The following OPRK1 variants were observed in gnomAD, a reference collection of about 807,000 sequenced individuals.
OPRK1 encodes opioid receptor kappa 1, also known as kappa-type opioid receptor.
A neutral mutation model predicts 24.5 loss-of-function variants in OPRK1; 15 were observed. The observed-to-expected ratio is 0.61, with a 90% CI of 0.41 to 0.94. The LOEUF is 0.94. Ranked by LOEUF, OPRK1 falls within the 40% of genes least tolerant of loss-of-function variation. The pLI, the probability that OPRK1 is intolerant of heterozygous loss-of-function variation, is 0.00. For synonymous variants in OPRK1, 205 were observed against 198.0 expected, an observed-to-expected ratio of 1.04 and a Z score of -0.30; for missense variants, 479 against 507.3, an observed-to-expected ratio of 0.94 and a Z score of 0.54.
chr8:53,229,710 C>A lies in OPRK1; in HGVS notation c.730G>T (p.Val244Phe). 6.2e-7 allele frequency: 1 copy of A among 1,614,010 alleles called. No homozygotes were observed. Among genetic ancestry groups the A allele is most frequent in the Non-Finnish European group, 8.5e-7 (1 of 1,180,018 alleles). Residue 244 changes from valine (V) to phenylalanine (F), a missense_variant, in exon 4 of 4, where the codon GTC (valine) becomes TTC (phenylalanine). Val to Phe is a conservative substitution (Grantham distance 50, BLOSUM62 -1). Transcript: ENST00000265572. ...CGCAGGATCATCAGGGTGTAGCAGA[C>A]GATGATGATGAGGACAGGGATCACG... ...AFVIPVLIII[V>F]CYTLMILRLK...
rs1806813635 is a variant in OPRK1, at chr8:53,229,899, T to C, written c.611-70A>G. 3.6e-6 allele frequency: 5 copies of C among 1,396,206 alleles called. No homozygotes were observed. In the Admixed American group the frequency reaches 1.0e-4, roughly 29 times the overall value. 86.5% of individuals were successfully genotyped at this position (1,396,206 alleles called of 1,614,324 possible). A position where few individuals can be genotyped will look rare whatever the true frequency, so the allele number is the denominator to read the frequency against. On this transcript the variant is annotated intron_variant, in intron 3 of 3. Transcript: ENST00000265572. ...TTATTACCGTGGCTGCAAAGTGTTT[T>C]AAATATGAATTTTAATACCTTTTAT...
chr8:53,232,160 A>G (rs1806868934), intron 3 of OPRK1, among the ~76,000 whole-genome samples: 1 of 152,070 alleles, frequency 6.6e-6, no homozygotes, highest in Non-Finnish European at 1.5e-5. Flanking sequence ...CATGTCCTCA[A>G]GCATCATATT....
rs181982113 is a variant in OPRK1 at position 53,236,954 on chromosome 8, C to T, written c.258-1843G>A. On this transcript the variant is annotated intron_variant, in intron 2 of 3. Transcript: ENST00000265572. ...ACTTAGGCAGACCTGGGTTCTAGTC[C>T]TTATTTTTCAAACTAACGAGTATAT... Among the ~76,000 whole-genome samples, 6 of 152,214 alleles carry T rather than the reference C, an allele frequency of 3.9e-5. No individual in the cohort carries two copies. In the East Asian group the frequency reaches 1.2e-3, roughly 29 times the overall value.
chr8:53,250,911 C>G lies in OPRK1; in HGVS notation c.127G>C (p.Gly43Arg), dbSNP rs779880445. 9 of 1,611,414 alleles carry G rather than the reference C, an allele frequency of 5.6e-6. No individual in the cohort carries two copies. Among genetic ancestry groups the G allele is most frequent in the Non-Finnish European group, 7.6e-6 (9 of 1,179,254 alleles). The change falls in exon 2 of 4, where the codon GGC becomes CGC. Residue 43 changes from glycine to arginine, a missense_variant. Gly to Arg is a moderately radical substitution (Grantham distance 125). Transcript: ENST00000265572. ...WAEPDSNGSAGSEDAQLEPAH... is the reference protein window; with the variant it reads ...WAEPDSNGSARSEDAQLEPAH... ...GGCTCCAGCTGCGCGTCCTCCGAGC[C>G]GGCGCTGCCGTTGCTGTCGGGCTCG...
rs998755241 is a variant in OPRK1 at position 53,250,964 on chromosome 8, T to C, written c.74A>G (p.Asn25Ser). The part of the protein sequence containing the change: ...TCAPSACLPP[N>S]SSAWFPGWAE... ...CCAGCCGGGAAACCAGGCGCTGCTG[T>C]TGGGGGGCAGGCAGGCGCTCGGGGC... The change falls in exon 2 of 4, where the codon AAC (asparagine) becomes AGC (serine). Residue 25 changes from asparagine to serine, a missense_variant. Physicochemically the swap from Asn to Ser is conservative, Grantham distance 46. Transcript: ENST00000265572. The C allele has an allele frequency of 6.8e-6, 11 of 1,607,622 alleles. No homozygotes were observed. Among genetic ancestry groups the C allele is most frequent in the South Asian group, 3.3e-5 (3 of 90,530 alleles).
At position 53,229,853 on chromosome 8, in the gene OPRK1, C is replaced by T. The variant is rs767024205; in HGVS notation, c.611-24G>A. The T allele has an allele frequency of 2.6e-6, 4 of 1,522,268 alleles. No individual in the cohort carries two copies. The South Asian group carries it at 4.0e-5, about 15-fold the overall frequency. The allele number at this position is 1,522,268 out of a possible 1,614,324, so 94.3% of individuals were successfully genotyped here. On this transcript the variant is annotated intron_variant, in intron 3 of 3. Transcript: ENST00000265572. ...GTCTGGAGGAGGGCAATAAAAACCA[C>T]AACACAGAAACCTGTTATTGTTATT...
At chr8:53,236,024 GGC>G (rs1349518388) in intron 2 of OPRK1, among the ~76,000 whole-genome samples, 2 of 152,148 alleles carry the variant, frequency 1.3e-5, no homozygotes, top group Non-Finnish European at 2.9e-5. Flanking sequence ...GATTTTCAAA[GGC>G]CAAGAGCTGA....
chr8:53,237,460 T>A (rs763044487), intron 2 of OPRK1, among the ~76,000 whole-genome samples: 1 of 152,192 alleles, frequency 6.6e-6, no homozygotes, highest in Non-Finnish European at 1.5e-5. Flanking sequence ...CTCAGAGAGA[T>A]GAGTACAGGC....
At position 53,235,017 on chromosome 8, in the gene OPRK1, C is replaced by A; in HGVS notation, c.352G>T (p.Val118Phe). Residue 118 changes from valine to phenylalanine, a missense_variant, in exon 3 of 4, where the codon GTC becomes TTC. Physicochemically the swap from Val to Phe is conservative, Grantham distance 50. Transcript: ENST00000265572. ...VTTTMPFQST[V>F]YLMNSWPFGD... ...AAAGGCCAGGAATTCATCAAGTAGA[C>A]CGTACTCTGAAAGGGCATGGTTGTA... 6.2e-7 allele frequency: 1 copy of A among 1,614,202 alleles called. No individual in the cohort carries two copies. Among genetic ancestry groups the A allele is most frequent in the Non-Finnish European group, 8.5e-7 (1 of 1,180,034 alleles).
In OPRK1 at chr8:53,244,751, A is replaced by C. The variant is rs565094979; in HGVS notation, c.257+6030T>G. ...TGTTGTGAAAACTGAAGCTTGACAG[A>C]GTGTCCTCTTAAGGAGAACAGAAAG... On this transcript the variant is annotated intron_variant, in intron 2 of 3. Coordinates refer to ENST00000265572, the MANE Select transcript of OPRK1 (RefSeq NM_000912.5). 4.6e-5 allele frequency among the ~76,000 whole-genome samples: 7 copies of C among 152,332 alleles called. No individual in the cohort carries two copies. The South Asian group carries it at 1.0e-3, about 23-fold the overall frequency.
chr8:53,241,136 A>G (rs1435216484), intron 2 of OPRK1, among the ~76,000 whole-genome samples: 2 of 152,188 alleles, frequency 1.3e-5, no homozygotes, highest in Non-Finnish European at 2.9e-5. Flanking sequence ...GGCATGGGGT[A>G]TATGGGAACT....
Position 53,250,442 on chromosome 8 carries a change from C to T in OPRK1, c.257+339G>A, listed in dbSNP as rs549483764. ...AATGGATTAGTTCCTTTACCAGGAA[C>T]CCCTGACCCTGTTGTCAGCACCCTG... On this transcript the variant is annotated intron_variant, in intron 2 of 3. Transcript: ENST00000265572. 3.9e-5 allele frequency among the ~76,000 whole-genome samples: 6 copies of T among 152,178 alleles called. No homozygotes were observed. In the East Asian group the frequency reaches 1.2e-3, roughly 29 times the overall value.
Position 53,229,134 on chromosome 8 carries a change from C to T in OPRK1, c.*163G>A, listed in dbSNP as rs1052892759. The T allele has an allele frequency of 6.4e-6, 5 of 779,150 alleles. No homozygotes were observed. The highest frequency in any genetic ancestry group is 2.8e-5 in the East Asian group (1 of 36,322). The allele number at this position is 779,150 out of a possible 1,614,324, so 48.3% of individuals were successfully genotyped here. On this transcript the variant is annotated 3_prime_UTR_variant, in exon 4 of 4. Transcript: ENST00000265572. ...TTTTGTCCTTGATGTTTCCACTGAT[C>T]ACGAACGTGGTCTGCATCTGATGAC...
intron 2 of OPRK1, chr8:53,242,865 T>G (rs1807148462): frequency 3.9e-6 from 5 of 1,285,984 alleles, no homozygotes; most frequent in Non-Finnish European, 5.1e-6. Flanking sequence ...CCCTTTGGGA[T>G]CTCTCAATTC....
At chr8:53,246,011 T>C (rs1807219279) in intron 2 of OPRK1, among the ~76,000 whole-genome samples, 1 of 152,184 alleles carries the variant, frequency 6.6e-6, no homozygotes, top group Non-Finnish European at 1.5e-5. Flanking sequence ...TTTCTTAACA[T>C]GGACATCCTC....
At chr8:53,232,471 T>C (rs1301062445) in intron 3 of OPRK1, among the ~76,000 whole-genome samples, 1 of 152,180 alleles carries the variant, frequency 6.6e-6, no homozygotes, top group Non-Finnish European at 1.5e-5. Context: ...TCATTACACA[T>C]TGTATGCTTG....
chr8:53,251,412 C>T, intron 1 of OPRK1, 36 bp downstream of exon 1: 1 of 268,072 alleles, frequency 3.7e-6, no homozygotes, highest in Non-Finnish European at 7.0e-6. Flanking sequence ...GCACGGAGCT[C>T]TACCTAGAAC....
chr8:53,243,275 G>A (rs1807156541), intron 2 of OPRK1, among the ~76,000 whole-genome samples: 1 of 152,174 alleles, frequency 6.6e-6, no homozygotes, highest in South Asian at 2.1e-4. Context: ...ATGAAGGGAG[G>A]TGCCAACTGC....
At chr8:53,239,986 T>C (rs1170750414) in intron 2 of OPRK1, among the ~76,000 whole-genome samples, 1 of 152,244 alleles carries the variant, frequency 6.6e-6, no homozygotes, top group Non-Finnish European at 1.5e-5. Context: ...AAATAAATAC[T>C]GCCACTTCCT....
Sources: allele counts gnomAD v4.1 joint callset (sites outside exome capture counted in the v4.1 genomes callset), GRCh38; gene constraint gnomAD v4.1.1; transcripts MANE v1.5; gene names NCBI Gene and HGNC (gene_info 2026-07-23, HGNC 2026-07-21).